ATF6: variants seen among roughly 807,000 people sequenced by gnomAD.
ATF6 encodes activating transcription factor 6, also known as cyclic AMP-dependent transcription factor ATF-6 alpha.
In ATF6, 53 loss-of-function variants were observed where a neutral mutation model predicts 83.6. That is an observed-to-expected ratio of 0.63 (90% CI 0.51 to 0.80). The LOEUF (loss-of-function observed/expected upper bound fraction) is 0.80. Among genes scored for constraint, ATF6 ranks in the 30% least tolerant of loss-of-function variants. The pLI is 0.00. For synonymous variants in ATF6, 288 were observed against 285.8 expected (o/e 1.01, Z -0.08); for missense variants, 744 against 797.9 (o/e 0.93, Z 0.81).
rs111649602 is a variant in ATF6, at chr1:161,805,939, G to A, written c.909+3667G>A. The stretch of plus-strand genomic sequence containing the variant: ...GAGGCCTGCTACAGCCATAAGTAGC[G>A]TTTTTAGCATACCATATTCTGCAAA... On this transcript the variant is annotated intron_variant, in intron 7 of 15. Coordinates refer to ENST00000367942, the MANE Select transcript of ATF6 (RefSeq NM_007348.4). Among the ~76,000 whole-genome samples, 301 of 152,166 alleles carry A rather than the reference G, an allele frequency of 2.0e-3. 3 individuals are homozygous for A. Among genetic ancestry groups the A allele is most frequent in the African/African-American group, 6.6e-3 (275 of 41,516 alleles).
intron 14 of ATF6, among the ~76,000 whole-genome samples, chr1:161,905,376 T>C (rs1687860322): frequency 6.6e-6 from 1 of 152,200 alleles, no homozygotes; most frequent in Non-Finnish European, 1.5e-5. Context: ...TATGTTTAGC[T>C]TTTTGCTAGA....
intron 14 of ATF6, among the ~76,000 whole-genome samples, chr1:161,863,987 T>C (rs907637888): frequency 6.6e-6 from 1 of 152,250 alleles, no homozygotes; most frequent in Admixed American, 6.5e-5. Context: ...TGAATATCTC[T>C]GTTAGAGTGC....
chr1:161,859,496 A>G (rs1426283507), intron 12 of ATF6, among the ~76,000 whole-genome samples: 1 of 152,226 alleles, frequency 6.6e-6, no homozygotes, highest in Non-Finnish European at 1.5e-5. Flanking sequence ...AAATGATTAA[A>G]AAATTATTTA....
chr1:161,823,663 C>T (rs149837879), intron 9 of ATF6, among the ~76,000 whole-genome samples: 45 of 152,142 alleles, frequency 3.0e-4, no homozygotes, highest in Admixed American at 2.3e-3. Flanking sequence ...CTTTGATGTC[C>T]GACTTAACAG....
chr1:161,807,863 ATCTTTTTTTTTTTTTTTTT>A (rs1193531501), intron 7 of ATF6, among the ~76,000 whole-genome samples: 1 of 54,788 alleles, frequency 1.8e-5, no homozygotes, highest in African/African-American at 8.2e-5. Flanking sequence ...TTAGTTTGTC[ATCTTTTTTTTTTTTTTTTT>A]TTTTTTTTTT....
intron 9 of ATF6, among the ~76,000 whole-genome samples, chr1:161,837,958 T>C (rs564938534): frequency 8.6e-4 from 131 of 152,346 alleles, no homozygotes; most frequent in African/African-American, 2.9e-3. Context: ...ACAGCTAATA[T>C]GTGGCAGAGA....
intron 4 of ATF6, among the ~76,000 whole-genome samples, chr1:161,786,902 T>A (rs1027023324): frequency 1.3e-5 from 2 of 152,262 alleles, no homozygotes; most frequent in Non-Finnish European, 2.9e-5. Context: ...GGTTATCTTG[T>A]CTTTTTAATC....
intron 14 of ATF6, among the ~76,000 whole-genome samples, chr1:161,882,395 T>G (rs952430778): frequency 6.6e-6 from 1 of 152,028 alleles, no homozygotes; most frequent in Non-Finnish European, 1.5e-5. Context: ...AACAAAGAAC[T>G]AAAAATAAGC....
At chr1:161,800,837 C>T (rs1052684141) in intron 6 of ATF6, among the ~76,000 whole-genome samples, 6 of 152,146 alleles carry the variant, frequency 3.9e-5, no homozygotes, top group African/African-American at 9.7e-5. Flanking sequence ...AGTCATCTGC[C>T]TCATTAACAA....
At chr1:161,933,999 C>T (rs879755690) in intron 15 of ATF6, among the ~76,000 whole-genome samples, 2 of 152,172 alleles carry the variant, frequency 1.3e-5, no homozygotes, top group Non-Finnish European at 2.9e-5. Context: ...CATCAAAAAG[C>T]AAGAGACACA....
rs138658313 is a variant in ATF6 at position 161,782,130 on chromosome 1, A to T, written c.247+131A>T. The stretch of plus-strand genomic sequence containing the variant: ...AAAGATTCCTGGTGTTATGCATTCT[A>T]CTTCTGGTATGGCAATTATGTAAAC... On this transcript the variant is annotated intron_variant, in intron 3 of 15. Coordinates refer to ENST00000367942, the MANE Select transcript of ATF6 (RefSeq NM_007348.4). 533 of 602,780 alleles carry T rather than the reference A, an allele frequency of 8.8e-4. 2 individuals are homozygous for T. Among genetic ancestry groups the T allele is most frequent in the Non-Finnish European group, 1.1e-3 (390 of 351,150 alleles). The allele number at this position is 602,780 out of a possible 1,614,324, so 37.3% of individuals were successfully genotyped here.
chr1:161,857,179 T>G (rs1210561853), intron 12 of ATF6, among the ~76,000 whole-genome samples: 1 of 152,216 alleles, frequency 6.6e-6, no homozygotes, highest in Non-Finnish European at 1.5e-5. Context: ...CTCCTTTTTC[T>G]TTTCTCATTT....
At chr1:161,828,576 C>T (rs1466466941) in intron 9 of ATF6, among the ~76,000 whole-genome samples, 3 of 152,084 alleles carry the variant, frequency 2.0e-5, no homozygotes, top group African/African-American at 7.2e-5. Flanking sequence ...TCTTGGTTGC[C>T]AAAAGAGGGG....
intron 15 of ATF6, among the ~76,000 whole-genome samples, chr1:161,928,833 A>G (rs1274382475): frequency 6.6e-6 from 1 of 152,208 alleles, no homozygotes; most frequent in Non-Finnish European, 1.5e-5. Context: ...AACTCAAACT[A>G]AGATAGCTAC....
At chr1:161,817,482 A>G (rs1446127040) in intron 7 of ATF6, among the ~76,000 whole-genome samples, 1 of 152,036 alleles carries the variant, frequency 6.6e-6, no homozygotes, top group Non-Finnish European at 1.5e-5. Context: ...TCAATCCATC[A>G]TGGCTTTGCC....
chr1:161,888,526 A>G (rs1186391838), intron 14 of ATF6, among the ~76,000 whole-genome samples: 1 of 152,166 alleles, frequency 6.6e-6, no homozygotes, highest in Admixed American at 6.5e-5. Flanking sequence ...TAATGTAACT[A>G]TAAATAAAAA....
At chr1:161,947,143 T>C (rs1400042134) in intron 15 of ATF6, among the ~76,000 whole-genome samples, 1 of 152,176 alleles carries the variant, frequency 6.6e-6, no homozygotes, top group African/African-American at 2.4e-5. Flanking sequence ...AGGGAGGCTA[T>C]GGGAACGATA....
rs1200371659 is a variant in ATF6, at chr1:161,792,288, C to T, written c.649C>T (p.Gln217Ter). ...TVPTLMPLAK[Q>*]QPIISLQPAP... ...ACCAACGCTTATGCCATTGGCAAAG[C>T]AGCAACCAATTATCAGTTTACAACC... The change falls in exon 6 of 16, where the codon CAG (glutamine) becomes TAG (stop). Residue 217 changes from glutamine (Q) to a stop codon, truncating the protein, a stop_gained. Coordinates refer to ENST00000367942, the MANE Select transcript of ATF6 (RefSeq NM_007348.4). LOFTEE classifies it high-confidence loss of function. 5.6e-6 allele frequency: 9 copies of T among 1,613,950 alleles called. No homozygotes were observed. Among genetic ancestry groups the T allele is most frequent in the Non-Finnish European group, 7.6e-6 (9 of 1,180,014 alleles).
chr1:161,935,134 G>A (rs1046497965), intron 15 of ATF6, among the ~76,000 whole-genome samples: 3 of 152,206 alleles, frequency 2.0e-5, no homozygotes, highest in Admixed American at 2.0e-4. Context: ...TAATAAGAAT[G>A]CCCTAATCCT....
Sources: allele counts gnomAD v4.1 joint callset (sites outside exome capture counted in the v4.1 genomes callset), GRCh38; gene constraint gnomAD v4.1.1; transcripts MANE v1.5; gene names NCBI Gene and HGNC (gene_info 2026-07-23, HGNC 2026-07-21).